NOSIP: variants seen among roughly 807,000 people sequenced by gnomAD.
NOSIP encodes nitric oxide synthase-interacting protein.
Under a neutral mutation model 36.4 loss-of-function variants are expected in NOSIP, and 25 were observed. The observed-to-expected ratio is 0.69, with a 90% CI of 0.50 to 0.96. The LOEUF (loss-of-function observed/expected upper bound fraction) is 0.96. NOSIP is among the 40% of genes least tolerant of loss of function. The pLI, the probability that NOSIP is intolerant of heterozygous loss-of-function variation, is 0.00. For synonymous variants in NOSIP, 187 were observed against 179.2 expected (o/e 1.04, Z -0.35); for missense variants, 370 against 429.0 (o/e 0.86, Z 1.21).
At chr19:49,558,693 G>A in intron 4 of NOSIP, 1 of 633,596 alleles carries the variant, frequency 1.6e-6, no homozygotes. Context: ...GAGGTGACTG[G>A]GGCAGATCCT....
In NOSIP at chr19:49,560,235, G is replaced by A; in HGVS notation, c.71-196C>T. ...CACAGGGAGTTGTCAACCCTGGAGG[G>A]TGAGAGGCAGACAGGCCTGGTCACT... On this transcript the variant is annotated intron_variant, in intron 2 of 8. Coordinates refer to ENST00000596358, the MANE Select transcript of NOSIP (RefSeq NM_001270960.2). The surrounding 1 kb of genome is among the most constrained non-coding windows in gnomAD (Gnocchi z 4.6). The A allele has an allele frequency of 5.1e-6, 3 of 590,526 alleles. No homozygotes were observed. Among genetic ancestry groups the A allele is most frequent in the Non-Finnish European group, 9.1e-6 (3 of 330,718 alleles). 36.6% of individuals were successfully genotyped at this position (590,526 alleles called of 1,614,324 possible).
Position 49,564,470 on chromosome 19 carries a change from A to G in NOSIP, c.-1-3778T>C, listed in dbSNP as rs865996217. ...CTCCATCTCAAAAAAAAAAAAAAAA[A>G]AAAAAACAAAATAAAACTTCATTGA... is the stretch of plus-strand genomic sequence containing the variant. On this transcript the variant is annotated intron_variant, in intron 1 of 8. Transcript: ENST00000596358. Among the ~76,000 whole-genome samples the G allele has an allele frequency of 2.9e-3, 443 of 151,466 alleles. 9 individuals carry two copies. Among genetic ancestry groups the G allele is most frequent in the African/African-American group, 0.01 (421 of 41,248 alleles).
At chr19:49,559,232 G>A in intron 3 of NOSIP, 3 of 467,238 alleles carry the variant, frequency 6.4e-6, no homozygotes, top group East Asian at 6.8e-5. Context: ...GCTTCCAGCT[G>A]TCCTCTCCCA....
chr19:49,570,443 A>G (rs1224722421), intron 1 of NOSIP, among the ~76,000 whole-genome samples: 1 of 152,092 alleles, frequency 6.6e-6, no homozygotes, highest in African/African-American at 2.4e-5. Context: ...CAAAGCAAAG[A>G]CCTTTACAGT....
chr19:49,562,061 CCA>C (rs2080342541), intron 1 of NOSIP, among the ~76,000 whole-genome samples: 1 of 152,068 alleles, frequency 6.6e-6, no homozygotes, highest in African/African-American at 2.4e-5. Context: ...AGCCCTGAAC[CCA>C]CAGAGGCTGG....
Position 49,560,104 on chromosome 19 carries a change from G to C in NOSIP, c.71-65C>G. The C allele has an allele frequency of 9.1e-7, 1 of 1,100,558 alleles. No homozygotes were observed. The highest frequency in any genetic ancestry group is 1.3e-6 in the Non-Finnish European group (1 of 743,162). 68.2% of individuals were successfully genotyped at this position (1,100,558 alleles called of 1,614,324 possible). ...AACAGGAGACATGTCCGTCTCCAAAGCCCCAGAGAGAGGCACAGAGACAAC... is the reference window on the plus strand; with the variant it reads ...AACAGGAGACATGTCCGTCTCCAAACCCCCAGAGAGAGGCACAGAGACAAC... On this transcript the variant is annotated intron_variant, in intron 2 of 8. Transcript: ENST00000596358. This position sits in a 1 kb window ranked among gnomAD's most constrained non-coding sequence, Gnocchi z 4.6.
Position 49,559,979 on chromosome 19 carries a change from T to A in NOSIP, c.131A>T (p.Asp44Val), listed in dbSNP as rs1446453191. Reference sequence around the variant, plus strand: ...AGGCTGCAGGGAGAGACAACAGCAGTCGAAGTCCTTCACGGCATCCCGGCT... The same window carrying A: ...AGGCTGCAGGGAGAGACAACAGCAGACGAAGTCCTTCACGGCATCCCGGCT... ...RLSRDAVKDF[D>V]CCCLSLQPCH... The change falls in exon 3 of 9, where the codon GAC becomes GTC. Residue 44 changes from aspartate (D) to valine (V), a missense_variant. Asp to Val is a radical substitution (Grantham distance 152). This residue lies in a region of NOSIP where 315 missense variants were observed against 331.9 expected (regional missense o/e 0.95). Transcript: ENST00000596358. 2 of 1,613,724 alleles carry A rather than the reference T, an allele frequency of 1.2e-6. No homozygotes were observed. The highest frequency in any genetic ancestry group is 1.7e-6 in the Non-Finnish European group (2 of 1,179,908).
Position 49,560,746 on chromosome 19 carries a change from G to T in NOSIP, c.-1-54C>A. The stretch of plus-strand genomic sequence containing the variant: ...GTGGTTACCGGAGGCAGGCAGCACA[G>T]GGAAGACCTCTGCAGCCCTCAGAGC... On this transcript the variant is annotated intron_variant, in intron 1 of 8. Coordinates refer to ENST00000596358, the MANE Select transcript of NOSIP (RefSeq NM_001270960.2). This position sits in a 1 kb window ranked among gnomAD's most constrained non-coding sequence, Gnocchi z 4.6. The T allele has an allele frequency of 7.4e-7, 1 of 1,357,882 alleles. No homozygotes were observed. The highest frequency in any genetic ancestry group is 1.0e-6 in the Non-Finnish European group (1 of 969,464). The allele number at this position is 1,357,882 out of a possible 1,614,324, so 84.1% of individuals were successfully genotyped here.
intron 1 of NOSIP, among the ~76,000 whole-genome samples, chr19:49,572,794 C>T (rs546906822): frequency 3.2e-4 from 49 of 151,820 alleles, no homozygotes; most frequent in South Asian, 2.3e-3. Context: ...GCCAATGTGG[C>T]GAAACCCTGT....
chr19:49,576,285 G>A (rs1369248487), intron 1 of NOSIP, among the ~76,000 whole-genome samples: 9 of 151,938 alleles, frequency 5.9e-5, no homozygotes, highest in African/African-American at 9.7e-5. Flanking sequence ...TTGAACTCAC[G>A]AGTTCAAGAC....
chr19:49,564,490 C>T (rs1229327207), intron 1 of NOSIP, among the ~76,000 whole-genome samples: 1 of 148,458 alleles, frequency 6.7e-6, no homozygotes, highest in African/African-American at 2.5e-5. Context: ...AATAAAACTT[C>T]ATTGAGATAC....
At chr19:49,572,494 C>T (rs1435407272) in intron 1 of NOSIP, among the ~76,000 whole-genome samples, 3 of 148,034 alleles carry the variant, frequency 2.0e-5, no homozygotes, top group Admixed American at 1.4e-4. Context: ...CTCACTGCAA[C>T]CTCCACCTCC....
At chr19:49,574,493 T>C (rs1402879290) in intron 1 of NOSIP, among the ~76,000 whole-genome samples, 1 of 152,132 alleles carries the variant, frequency 6.6e-6, no homozygotes, top group African/African-American at 2.4e-5. Flanking sequence ...AAATACACAG[T>C]TGTAGCTTTA....
rs1400834482 is a variant in NOSIP at position 49,560,614 on chromosome 19, C to T, written c.70+8G>A. On this transcript the variant is annotated splice_region_variant and intron_variant, in intron 2 of 8. Coordinates refer to ENST00000596358, the MANE Select transcript of NOSIP (RefSeq NM_001270960.2). The surrounding 1 kb of genome is among the most constrained non-coding windows in gnomAD (Gnocchi z 4.6). ...CATGTCCCGCCTCTTCCCACCCCAGCCCTGCACCTGTGTCCTTCTTCTTCT... is the reference window on the plus strand; with the variant it reads ...CATGTCCCGCCTCTTCCCACCCCAGTCCTGCACCTGTGTCCTTCTTCTTCT... 1 of 1,578,528 alleles carries T rather than the reference C, an allele frequency of 6.3e-7. No homozygotes were observed.
At chr19:49,559,882 C>T (rs1216334630) in intron 3 of NOSIP, 52 bp downstream of exon 3, 20 of 1,364,668 alleles carry the variant, frequency 1.5e-5, no homozygotes, top group South Asian at 2.4e-5. Context: ...CTCCTCCTGG[C>T]GGTTCCCTTG....
chr19:49,576,474 G>A (rs1218102314), intron 1 of NOSIP, among the ~76,000 whole-genome samples: 1 of 152,016 alleles, frequency 6.6e-6, no homozygotes, highest in Admixed American at 6.6e-5. Context: ...CTACTTGGGA[G>A]GCTGAGGCAG....
Position 49,558,866 on chromosome 19 carries a change from C to G in NOSIP, c.258+31G>C, listed in dbSNP as rs1190332245. On this transcript the variant is annotated intron_variant, in intron 4 of 8. Transcript: ENST00000596358. ...AGCTCAGACTCAAAAGCTCCTGCCT[C>G]CGTGTGCCGCCTCCTCCCCATCCCC... 2.5e-6 allele frequency: 4 copies of G among 1,583,386 alleles called. No individual in the cohort carries two copies. In the African/African-American group the frequency reaches 4.0e-5, roughly 16 times the overall value.
rs370045117 is a variant in NOSIP, at chr19:49,556,865, G to T, written c.537+10C>A. On this transcript the variant is annotated intron_variant, in intron 6 of 8. Transcript: ENST00000596358. ...GGCACCGTGCGTGCCGGGGCGCTGT[G>T]GGGGCTCACCGGCTTCTCCAGCTTG... 1.2e-5 allele frequency: 20 copies of T among 1,609,572 alleles called. No individual in the cohort carries two copies. Among genetic ancestry groups the T allele is most frequent in the East Asian group, 2.2e-5 (1 of 44,840 alleles).
chr19:49,574,537 G>C (rs548827694), intron 1 of NOSIP, among the ~76,000 whole-genome samples: 9 of 152,308 alleles, frequency 5.9e-5, no homozygotes, highest in South Asian at 2.1e-4. Flanking sequence ...ACCTGTCTCA[G>C]TCTGCTCCAG....
Sources: allele counts gnomAD v4.1 joint callset (sites outside exome capture counted in the v4.1 genomes callset), GRCh38; gene constraint gnomAD v4.1.1; regional missense constraint gnomAD v4.1.1; non-coding constraint Gnocchi (gnomAD v3.1); transcripts MANE v1.5; gene names NCBI Gene and HGNC (gene_info 2026-07-23, HGNC 2026-07-21).